The following SLC39A11 variants were observed in gnomAD, a reference collection of about 807,000 sequenced individuals.
SLC39A11 encodes the protein solute carrier family 39 member 11, also known as zinc transporter ZIP11.
A neutral mutation model predicts 36.1 loss-of-function variants in SLC39A11; 33 were observed. The observed-to-expected ratio is 0.91, with a 90% CI of 0.69 to 1.22. SLC39A11 has a LOEUF of 1.22. Among genes scored for constraint, SLC39A11 ranks in the 50% most tolerant of loss-of-function variants. The pLI is 0.00. For synonymous variants in SLC39A11, 166 were observed against 170.3 expected, an observed-to-expected ratio of 0.97 and a Z score of 0.20; for missense variants, 432 against 430.3, an observed-to-expected ratio of 1.00 and a Z score of -0.03.
chr17:72,941,675 T>A (rs2085108224), intron 5 of SLC39A11, among the ~76,000 whole-genome samples: 1 of 151,894 alleles, frequency 6.6e-6, no homozygotes, highest in African/African-American at 2.4e-5. Flanking sequence ...ACCCTGATAA[T>A]GTTCCCATGA....
At chr17:72,656,605 CA>C (rs917095342) in intron 7 of SLC39A11, among the ~76,000 whole-genome samples, 1 of 151,942 alleles carries the variant, frequency 6.6e-6, no homozygotes, top group African/African-American at 2.4e-5. Context: ...GCTGCACCAG[CA>C]AGGACAAGAG....
At chr17:73,005,883 G>A (rs1234162461) in intron 4 of SLC39A11, among the ~76,000 whole-genome samples, 2 of 151,244 alleles carry the variant, frequency 1.3e-5, no homozygotes, top group Admixed American at 1.3e-4. Context: ...CCTGGGAGGT[G>A]GAGGTTGCAG....
intron 6 of SLC39A11, among the ~76,000 whole-genome samples, chr17:72,785,286 T>A (rs188351414): frequency 1.4e-4 from 22 of 152,346 alleles, no homozygotes; most frequent in Non-Finnish European, 2.4e-4. Context: ...CAAGGAGGTT[T>A]TCTCTCCTCT....
At chr17:72,941,102 T>C (rs1000973312) in intron 5 of SLC39A11, among the ~76,000 whole-genome samples, 2 of 151,710 alleles carry the variant, frequency 1.3e-5, no homozygotes, top group South Asian at 4.2e-4. Flanking sequence ...CAAAATGCCA[T>C]CTCTACAAAA....
intron 6 of SLC39A11, among the ~76,000 whole-genome samples, chr17:72,772,450 T>C (rs188870624): frequency 1.3e-5 from 2 of 152,330 alleles, no homozygotes; most frequent in East Asian, 1.9e-4. Flanking sequence ...TGGGCCTGCC[T>C]TGGGCATCTT....
chr17:72,672,843 A>T (rs2071082227), intron 7 of SLC39A11, among the ~76,000 whole-genome samples: 1 of 152,158 alleles, frequency 6.6e-6, no homozygotes, highest in Non-Finnish European at 1.5e-5. Context: ...TCTGGGGCTC[A>T]AATGATTCTC....
At chr17:72,762,261 G>C (rs1480163134) in intron 6 of SLC39A11, among the ~76,000 whole-genome samples, 1 of 152,224 alleles carries the variant, frequency 6.6e-6, no homozygotes, top group Admixed American at 6.5e-5. Flanking sequence ...TTGCAGTAAA[G>C]AAGGCAGCCA....
chr17:72,646,503 G>A lies in SLC39A11; in HGVS notation c.*1081C>T, dbSNP rs1383267777. ...GTTGGCTAAAATTTACTTTAAAGGG[G>A]AAATGTAAAATTACCTCTTCTTTTC... On this transcript the variant is annotated 3_prime_UTR_variant, in exon 10 of 10. Coordinates refer to ENST00000255559, the MANE Select transcript of SLC39A11 (RefSeq NM_139177.4). The A allele has an allele frequency of 1.3e-5, 2 of 152,266 alleles. No individual in the cohort carries two copies. The highest frequency in any genetic ancestry group is 2.4e-5 in the African/African-American group (1 of 41,446). The allele number at this position is 152,266 out of a possible 1,614,324, so 9.4% of individuals were successfully genotyped here. A position where few individuals can be genotyped will look rare whatever the true frequency, so the allele number is the denominator to read the frequency against.
At chr17:72,827,583 C>T (rs1218656318) in intron 6 of SLC39A11, among the ~76,000 whole-genome samples, 1 of 152,192 alleles carries the variant, frequency 6.6e-6, no homozygotes, top group Non-Finnish European at 1.5e-5. Flanking sequence ...CACTCCTCTA[C>T]CCCAGGTGGG....
At chr17:72,866,473 C>T (rs1173795979) in intron 5 of SLC39A11, among the ~76,000 whole-genome samples, 1 of 152,054 alleles carries the variant, frequency 6.6e-6, no homozygotes, top group Non-Finnish European at 1.5e-5. Context: ...CCCCCACAAC[C>T]CCCAGGTCTT....
intron 7 of SLC39A11, among the ~76,000 whole-genome samples, chr17:72,688,761 G>A (rs576186398): frequency 6.6e-5 from 10 of 152,200 alleles, no homozygotes; most frequent in Non-Finnish European, 8.8e-5. Context: ...ACTGGTCTGT[G>A]CAAATCCCTG....
At chr17:73,006,744 T>C (rs769020541) in intron 4 of SLC39A11, among the ~76,000 whole-genome samples, 11 of 151,986 alleles carry the variant, frequency 7.2e-5, no homozygotes, top group Non-Finnish European at 1.2e-4. Flanking sequence ...ATGATGAATA[T>C]ACAATTATCT....
chr17:72,727,329 G>T (rs1268483107), intron 7 of SLC39A11, among the ~76,000 whole-genome samples: 3 of 152,180 alleles, frequency 2.0e-5, no homozygotes. Flanking sequence ...GATTGAAACA[G>T]AAAGAAACTG....
intron 5 of SLC39A11, among the ~76,000 whole-genome samples, chr17:72,940,538 AG>A (rs1240581098): frequency 2.0e-5 from 3 of 152,204 alleles, no homozygotes; most frequent in Non-Finnish European, 4.4e-5. Flanking sequence ...GGCCTCCCGA[AG>A]TGCTGGGATT....
chr17:72,865,372 CAT>C (rs948593247), intron 5 of SLC39A11, among the ~76,000 whole-genome samples: 1 of 131,176 alleles, frequency 7.6e-6, no homozygotes, highest in African/African-American at 2.8e-5. Flanking sequence ...AAAGGATGCT[CAT>C]ATGTTTCTAT....
intron 6 of SLC39A11, chr17:72,839,158 A>G (rs1430140024): frequency 6.6e-6 from 1 of 152,196 alleles, no homozygotes; most frequent in South Asian, 2.1e-4. Flanking sequence ...CTAAGACTCC[A>G]TAAGAGCCAG....
Position 72,867,670 on chromosome 17 carries a change from A to G in SLC39A11, c.431-17866T>C, listed in dbSNP as rs545923735. 5.3e-5 allele frequency among the ~76,000 whole-genome samples: 8 copies of G among 152,226 alleles called. No homozygotes were observed. The South Asian group carries it at 1.7e-3, about 32-fold the overall frequency. On this transcript the variant is annotated intron_variant, in intron 5 of 9. Transcript: ENST00000255559. ...ATGCATGGTAAATAAAATACGAGGA[A>G]GGAGTATAAATCTTGAGCCAGGCCA... is the stretch of plus-strand genomic sequence containing the variant.
chr17:72,772,201 G>A (rs1598658063), intron 6 of SLC39A11, among the ~76,000 whole-genome samples: 1 of 140,078 alleles, frequency 7.1e-6, no homozygotes. Flanking sequence ...ACCCCAGGAA[G>A]GGCAGTCTTT....
chr17:72,747,136 C>T (rs949164586), intron 6 of SLC39A11, among the ~76,000 whole-genome samples: 1 of 152,172 alleles, frequency 6.6e-6, no homozygotes, highest in East Asian at 1.9e-4. Context: ...GGTGTGCCCA[C>T]CTCCAGCTGC....
Sources: allele counts gnomAD v4.1 joint callset (sites outside exome capture counted in the v4.1 genomes callset), GRCh38; gene constraint gnomAD v4.1.1; transcripts MANE v1.5; gene names NCBI Gene and HGNC (gene_info 2026-07-23, HGNC 2026-07-21).